Variants in ZC3H14 observed in about 807,000 individuals in gnomAD.
ZC3H14 encodes zinc finger CCCH-type containing 14, also known as zinc finger CCCH domain-containing protein 14.
ZC3H14 carries 31 observed loss-of-function variants against 92.4 expected under a neutral mutation model. The observed-to-expected ratio is 0.34, with a 90% CI of 0.25 to 0.45. ZC3H14 has a LOEUF of 0.45. Among genes scored for constraint, ZC3H14 ranks in the 20% least tolerant of loss-of-function variants. The probability of loss-of-function intolerance (pLI) is 1.00; values close to 1 mark genes in which losing one functional copy is unlikely to be tolerated. For synonymous variants in ZC3H14, 321 were observed against 300.9 expected (o/e 1.07, Z -0.69); for missense variants, 781 against 897.3 (o/e 0.87, Z 1.66).
chr14:88,566,924 GAA>G (rs1159219239), intron 2 of ZC3H14, among the ~76,000 whole-genome samples: 6 of 115,994 alleles, frequency 5.2e-5, no homozygotes, highest in African/African-American at 9.4e-5. Flanking sequence ...TGTCGTAAAA[GAA>G]AAAAAAAAAA....
chr14:88,578,251 G>A, intron 9 of ZC3H14, 111 bp downstream of exon 9: 1 of 1,422,244 alleles, frequency 7.0e-7, no homozygotes, highest in East Asian at 2.4e-5. Flanking sequence ...TGATGATTAA[G>A]CCCAGAAATA....
At chr14:88,573,282 A>T (rs1316805789) in intron 6 of ZC3H14, among the ~76,000 whole-genome samples, 1 of 151,914 alleles carries the variant, frequency 6.6e-6, no homozygotes, top group Non-Finnish European at 1.5e-5. Context: ...CGGGAGGCTG[A>T]GGCAGGAGAA....
intron 14 of ZC3H14, 71 bp from the exon 15 acceptor site, chr14:88,609,641 C>A: frequency 6.4e-7 from 1 of 1,551,324 alleles, no homozygotes; most frequent in Non-Finnish European, 8.9e-7. Context: ...TCAAAAAAAA[C>A]ATCAGTAGAC....
chr14:88,594,850 C>T, intron 9 of ZC3H14: 1 of 1,614,030 alleles, frequency 6.2e-7, no homozygotes, highest in Non-Finnish European at 8.5e-7. Flanking sequence ...TATTTCCCAC[C>T]TTTTAAGGAA....
At chr14:88,566,363 A>G (rs1370642398) in intron 2 of ZC3H14, among the ~76,000 whole-genome samples, 7 of 152,158 alleles carry the variant, frequency 4.6e-5, no homozygotes, top group African/African-American at 1.7e-4. Context: ...GCCCAAGACC[A>G]AACAGTTTGA....
In ZC3H14 at chr14:88,621,130, A is replaced by G. The variant is rs753542387; in HGVS notation, c.*9379A>G. ...GTACTTACTTTATCAGCAATATCCCAAAGTCTCACTGTCCCATCTTCTGCA... is the reference window on the plus strand; with the variant it reads ...GTACTTACTTTATCAGCAATATCCCGAAGTCTCACTGTCCCATCTTCTGCA... On this transcript the variant is annotated 3_prime_UTR_variant, in exon 17 of 17. Transcript: ENST00000251038. 4.3e-6 allele frequency: 7 copies of G among 1,613,704 alleles called. No individual in the cohort carries two copies. The highest frequency in any genetic ancestry group is 5.9e-6 in the Non-Finnish European group (7 of 1,179,846).
At chr14:88,594,821 C>G in intron 9 of ZC3H14, 2 of 1,614,058 alleles carry the variant, frequency 1.2e-6, no homozygotes, top group African/African-American at 1.3e-5. Flanking sequence ...TCCTCTTGTT[C>G]ACTGAATGAG....
chr14:88,609,640 AC>A (rs1371224737), intron 14 of ZC3H14, 71 bp from the exon 15 acceptor site: 2 of 1,554,644 alleles, frequency 1.3e-6, no homozygotes, highest in Non-Finnish European at 8.9e-7. Flanking sequence ...TTCAAAAAAA[AC>A]ATCAGTAGAC....
chr14:88,575,546 A>G (rs1418532317), intron 7 of ZC3H14, among the ~76,000 whole-genome samples: 1 of 152,060 alleles, frequency 6.6e-6, no homozygotes, highest in African/African-American at 2.4e-5. Context: ...ATTAAAATAA[A>G]TTAGTTGGTC....
In ZC3H14 at chr14:88,572,186, T is replaced by A. The variant is rs777427072; in HGVS notation, c.392T>A (p.Val131Asp). Residue 131 changes from valine (V) to aspartate (D), a missense_variant, in exon 5 of 17, where the codon GTT becomes GAT. Transcript: ENST00000251038. Reference protein sequence around the residue: ...SARPEKRDSRVSTSSQESKTT... With the variant: ...SARPEKRDSRDSTSSQESKTT... Reference sequence around the variant, plus strand: ...AGACCTGAAAAAAGAGATTCCAGAGTTTCTACAAGTTCGCAGGAGTCAAAA... The same window carrying A: ...AGACCTGAAAAAAGAGATTCCAGAGATTCTACAAGTTCGCAGGAGTCAAAA... 8.7e-6 allele frequency: 14 copies of A among 1,613,802 alleles called. No homozygotes were observed. In the Admixed American group the frequency reaches 2.0e-4, roughly 23 times the overall value.
chr14:88,566,365 A>C (rs1394889990), intron 2 of ZC3H14, among the ~76,000 whole-genome samples: 1 of 152,132 alleles, frequency 6.6e-6, no homozygotes, highest in Non-Finnish European at 1.5e-5. Context: ...CCAAGACCAA[A>C]CAGTTTGAGA....
chr14:88,570,966 A>T (rs905545966), intron 3 of ZC3H14, 118 bp from the exon 4 acceptor site: 31 of 794,690 alleles, frequency 3.9e-5, no homozygotes, highest in Middle Eastern at 4.1e-4. Flanking sequence ...AAAATAATAA[A>T]AATATAAAAA....
chr14:88,608,568 T>C, intron 13 of ZC3H14: 1 of 229,652 alleles, frequency 4.4e-6, no homozygotes, highest in Non-Finnish European at 8.6e-6. Flanking sequence ...GCCTCGGACC[T>C]GTGAGATACT....
intron 9 of ZC3H14, among the ~76,000 whole-genome samples, chr14:88,583,371 G>T (rs1032301978): frequency 2.6e-5 from 4 of 152,002 alleles, no homozygotes; most frequent in African/African-American, 9.7e-5. Context: ...TCTTGCCTCA[G>T]CCTCCCAAAG....
intron 10 of ZC3H14, among the ~76,000 whole-genome samples, chr14:88,597,227 CTTG>C (rs983181635): frequency 6.6e-6 from 1 of 152,146 alleles, no homozygotes; most frequent in African/African-American, 2.4e-5. Context: ...ACACCTGGAA[CTTG>C]TTGTTCTAGT....
Position 88,568,203 on chromosome 14 carries a change from A to T in ZC3H14, c.194+50A>T, listed in dbSNP as rs367566823. 5.4e-6 allele frequency: 8 copies of T among 1,478,996 alleles called. No individual in the cohort carries two copies. In the African/African-American group the frequency reaches 1.1e-4, roughly 21 times the overall value. The allele number at this position is 1,478,996 out of a possible 1,614,324, so 91.6% of individuals were successfully genotyped here. ...CAGACCAAAGTTTGGCACAAGCCTG[A>T]GTTGATATTCTGTCCAAAGAGAGGT... On this transcript the variant is annotated intron_variant, in intron 3 of 16. Transcript: ENST00000251038.
At chr14:88,586,150 A>G (rs2082451550) in intron 9 of ZC3H14, among the ~76,000 whole-genome samples, 2 of 152,248 alleles carry the variant, frequency 1.3e-5, no homozygotes, top group East Asian at 3.9e-4. Flanking sequence ...CCTGAGCGAC[A>G]AAGCGACACT....
At position 88,624,866 on chromosome 14, in the gene ZC3H14, G is replaced by T; in HGVS notation, c.*13115G>T. 1 of 1,293,750 alleles carries T rather than the reference G, an allele frequency of 7.7e-7. No individual in the cohort carries two copies. The highest frequency in any genetic ancestry group is 1.1e-6 in the Non-Finnish European group (1 of 946,742). 80.1% of individuals were successfully genotyped at this position (1,293,750 alleles called of 1,614,324 possible). On this transcript the variant is annotated 3_prime_UTR_variant, in exon 17 of 17. Coordinates refer to ENST00000251038, the MANE Select transcript of ZC3H14 (RefSeq NM_024824.5). ...GGAGAAGCATATGAGGAGGAAGGTC[G>T]GAGAGGACACTCTGTGTAGCCTAGA...
intron 16 of ZC3H14, 29 bp from the exon 17 acceptor site, chr14:88,611,716 T>TAAAAC (rs2086830171): frequency 1.9e-6 from 3 of 1,613,922 alleles, no homozygotes; most frequent in South Asian, 1.1e-5. Context: ...AGCAGATAAT[T>TAAAAC]AAAACAATTT....
Sources: allele counts gnomAD v4.1 joint callset (sites outside exome capture counted in the v4.1 genomes callset), GRCh38; gene constraint gnomAD v4.1.1; transcripts MANE v1.5; gene names NCBI Gene and HGNC (gene_info 2026-07-23, HGNC 2026-07-21).